Variants in CSMD3 observed in about 807,000 individuals in gnomAD.
CSMD3 encodes the protein CUB and Sushi multiple domains 3.
CSMD3 carries 177 observed loss-of-function variants against 435.2 expected under a neutral mutation model. The observed-to-expected ratio is 0.41, with a 90% CI of 0.36 to 0.46. The LOEUF is 0.46. CSMD3 is among the 20% of genes least tolerant of loss of function. CSMD3 has a pLI of 0.34. For missense variants in CSMD3, 4,265 were observed against 4,504.6 expected, an observed-to-expected ratio of 0.95 and a Z score of 1.52; for synonymous variants, 1,656 against 1,520.5, an observed-to-expected ratio of 1.09 and a Z score of -2.07.
chr8:113,033,950 G>T (rs999553062), intron 5 of CSMD3, among the ~76,000 whole-genome samples: 1 of 151,228 alleles, frequency 6.6e-6, no homozygotes, highest in Non-Finnish European at 1.5e-5. Flanking sequence ...TTTAAAAGTG[G>T]CAATTTCCCC....
chr8:113,370,310 G>C (rs909399631), intron 1 of CSMD3, among the ~76,000 whole-genome samples: 3 of 151,580 alleles, frequency 2.0e-5, no homozygotes, highest in African/African-American at 7.3e-5. Context: ...ACAAACTAGA[G>C]TGGCAAGTTG....
intron 22 of CSMD3, among the ~76,000 whole-genome samples, chr8:112,618,657 A>G (rs1204624091): frequency 7.9e-6 from 1 of 127,052 alleles, no homozygotes. Context: ...GACAATGTGG[A>G]TTGGCAATGA....
At chr8:113,300,959 T>C (rs1309933667) in intron 2 of CSMD3, among the ~76,000 whole-genome samples, 1 of 152,006 alleles carries the variant, frequency 6.6e-6, no homozygotes, top group Admixed American at 6.6e-5. Context: ...AAACATAAGG[T>C]TGAGCCAAAA....
intron 4 of CSMD3, among the ~76,000 whole-genome samples, chr8:113,140,116 T>G (rs1424602212): frequency 6.6e-6 from 1 of 150,898 alleles, no homozygotes; most frequent in Non-Finnish European, 1.5e-5. Context: ...AAGGAGCATC[T>G]TTAGATTTGA....
intron 1 of CSMD3, among the ~76,000 whole-genome samples, chr8:113,419,003 C>T (rs1190586121): frequency 1.3e-5 from 2 of 151,618 alleles, no homozygotes; most frequent in Non-Finnish European, 2.9e-5. Flanking sequence ...TTGGGGCCAT[C>T]GTGATAAATA....
intron 10 of CSMD3, among the ~76,000 whole-genome samples, chr8:112,876,695 CACAAG>C (rs1341216618): frequency 6.6e-6 from 1 of 152,050 alleles, no homozygotes. Context: ...TGAAAACCAG[CACAAG>C]ACAAGGATGC....
chr8:112,551,197 C>A (rs1421527600), intron 26 of CSMD3, among the ~76,000 whole-genome samples: 1 of 152,026 alleles, frequency 6.6e-6, no homozygotes, highest in Non-Finnish European at 1.5e-5. Flanking sequence ...AGGCACTGTG[C>A]AAAATGCGTT....
intron 12 of CSMD3, among the ~76,000 whole-genome samples, chr8:112,800,584 T>C (rs1309358260): frequency 6.6e-6 from 1 of 152,050 alleles, no homozygotes; most frequent in African/African-American, 2.4e-5. Flanking sequence ...AAGGAGGATC[T>C]ATACAAATAT....
intron 4 of CSMD3, among the ~76,000 whole-genome samples, chr8:113,145,638 C>G (rs913973629): frequency 6.6e-6 from 1 of 151,544 alleles, no homozygotes; most frequent in African/African-American, 2.4e-5. Context: ...TACCAGTTTA[C>G]TTAATAATAT....
chr8:113,318,753 A>G (rs2093928181), intron 1 of CSMD3, among the ~76,000 whole-genome samples: 1 of 149,006 alleles, frequency 6.7e-6, no homozygotes. Flanking sequence ...GTTGTAGCAC[A>G]TGGTGGGATT....
chr8:112,337,427 G>T, intron 43 of CSMD3, 116 bp downstream of exon 43: 1 of 811,720 alleles, frequency 1.2e-6, no homozygotes. Context: ...AATATCTTCA[G>T]CTGAGAGACT....
At chr8:112,607,960 C>T (rs1383206323) in intron 22 of CSMD3, among the ~76,000 whole-genome samples, 1 of 151,960 alleles carries the variant, frequency 6.6e-6, no homozygotes, top group Non-Finnish European at 1.5e-5. Context: ...GCCAGAGCAA[C>T]TAGGAAAGAA....
In CSMD3 at chr8:112,381,458, T is replaced by A. The variant is rs935999734; in HGVS notation, c.6032-1002A>T. Among the ~76,000 whole-genome samples the A allele has an allele frequency of 5.9e-5, 9 of 152,320 alleles. No homozygotes were observed. In the East Asian group the frequency reaches 9.7e-4, roughly 16 times the overall value. ...CTCTAGCAGTTTCAAATGGCAAGCA[T>A]GAAAATAAACAAGCGCTAATTCTAC... On this transcript the variant is annotated intron_variant, in intron 37 of 70. Transcript: ENST00000297405.
At chr8:112,439,850 C>T (rs960880025) in intron 32 of CSMD3, among the ~76,000 whole-genome samples, 5 of 133,338 alleles carry the variant, frequency 3.7e-5, no homozygotes, top group Non-Finnish European at 8.6e-5. Context: ...GATTCAGTCA[C>T]CTGCCACTAG....
intron 22 of CSMD3, among the ~76,000 whole-genome samples, chr8:112,599,881 A>G (rs1410117292): frequency 3.1e-5 from 3 of 95,774 alleles, no homozygotes; most frequent in African/African-American, 8.2e-5. Context: ...GGGTGGGGGG[A>G]GGGGGGAGGG....
chr8:112,517,121 C>T lies in CSMD3; in HGVS notation c.4669G>A (p.Gly1557Arg), dbSNP rs1457882802. The T allele has an allele frequency of 1.2e-6, 2 of 1,613,718 alleles. No individual in the cohort carries two copies. Among genetic ancestry groups the T allele is most frequent in the East Asian group, 2.2e-5 (1 of 44,864 alleles). Residue 1557 changes from glycine to arginine, a missense_variant, in exon 28 of 71, where the codon GGA becomes AGA. Gly to Arg is a moderately radical substitution (Grantham distance 125). Transcript: ENST00000297405. ...GDTVVFQCDP[G>R]YELQGEERIT... ...CTTTCCTCTCCTTGAAGTTCATATC[C>T]TGGGTCACATTGAAAAACAACAGTG...
intron 13 of CSMD3, among the ~76,000 whole-genome samples, chr8:112,759,950 G>A (rs1427042745): frequency 6.6e-6 from 1 of 152,070 alleles, no homozygotes. Flanking sequence ...ATGAGATACT[G>A]TTATGAATCA....
chr8:113,298,189 T>C (rs933205072), intron 2 of CSMD3, among the ~76,000 whole-genome samples: 5 of 152,106 alleles, frequency 3.3e-5, no homozygotes, highest in Non-Finnish European at 7.4e-5. Flanking sequence ...AGGTTGGTGT[T>C]GAAAAATAAA....
chr8:113,301,409 A>G (rs2093766123), intron 2 of CSMD3, among the ~76,000 whole-genome samples: 1 of 152,106 alleles, frequency 6.6e-6, no homozygotes, highest in Admixed American at 6.6e-5. Flanking sequence ...TATGGCAATG[A>G]ACTGTTTTAT....
Sources: gnomAD v4.1 joint callset for allele counts (sites outside exome capture counted in the v4.1 genomes callset) on GRCh38, gnomAD v4.1.1 for gene constraint, MANE v1.5 for transcripts, NCBI Gene and HGNC (gene_info 2026-07-23, HGNC 2026-07-21) for gene names.